The following FMNL2 variants were observed in gnomAD, a reference collection of about 807,000 sequenced individuals.
The protein encoded by FMNL2 is formin-like protein 2.
Under a neutral mutation model 130.2 loss-of-function variants are expected in FMNL2, and 51 were observed. The observed-to-expected ratio is 0.39, with a 90% CI of 0.31 to 0.49. The LOEUF is 0.49. FMNL2 is among the 20% of genes least tolerant of loss of function. The probability of loss-of-function intolerance (pLI) is 0.85; values close to 1 mark genes in which losing one functional copy is unlikely to be tolerated. For missense variants in FMNL2, 977 were observed against 1,316.2 expected, an observed-to-expected ratio of 0.74 and a Z score of 3.99; for synonymous variants, 465 against 467.1, an observed-to-expected ratio of 1.00 and a Z score of 0.06.
chr2:152,581,559 A>T (rs543257475), intron 9 of FMNL2, among the ~76,000 whole-genome samples: 6 of 152,238 alleles, frequency 3.9e-5, no homozygotes, highest in Non-Finnish European at 8.8e-5. Flanking sequence ...GTCTGACCAC[A>T]AAGAAAGGAG....
chr2:152,582,396 T>A (rs1168982721), intron 9 of FMNL2, among the ~76,000 whole-genome samples: 2 of 152,220 alleles, frequency 1.3e-5, no homozygotes, highest in Admixed American at 1.3e-4. Context: ...CTCCTCTTGC[T>A]CCTTTATTTG....
intron 5 of FMNL2, among the ~76,000 whole-genome samples, chr2:152,560,310 A>G (rs920736822): frequency 2.6e-5 from 3 of 114,842 alleles, no homozygotes; most frequent in Admixed American, 8.7e-5. Flanking sequence ...CATGGTTAAC[A>G]TGAGTAATAA....
At chr2:152,568,229 T>TTTTGTTTTGTTTTTGTTTTTC (rs1200602522) in intron 6 of FMNL2, among the ~76,000 whole-genome samples, 1 of 146,916 alleles carries the variant, frequency 6.8e-6, no homozygotes, top group Non-Finnish European at 1.5e-5. Context: ...TTTTTTTTTT[T>TTTTGTTTTGTTTTTGTTTTTC]TTTTGAGACG....
intron 1 of FMNL2, among the ~76,000 whole-genome samples, chr2:152,401,261 T>C (rs1485887260): frequency 2.6e-5 from 4 of 152,258 alleles, no homozygotes; most frequent in African/African-American, 9.6e-5. Flanking sequence ...TCAATGCCTT[T>C]AGGAGAAGCT....
intron 9 of FMNL2, among the ~76,000 whole-genome samples, chr2:152,592,089 G>A (rs943555761): frequency 3.3e-5 from 5 of 152,136 alleles, no homozygotes; most frequent in African/African-American, 7.2e-5. Flanking sequence ...GTGGCAGAGC[G>A]AGACTTCGTC....
At chr2:152,385,236 T>A (rs1167158601) in intron 1 of FMNL2, among the ~76,000 whole-genome samples, 1 of 152,158 alleles carries the variant, frequency 6.6e-6, no homozygotes, top group African/African-American at 2.4e-5. Flanking sequence ...GCATCGAAAC[T>A]GGGGATGAAG....
At chr2:152,645,863 C>T (rs145637323) in intron 25 of FMNL2, among the ~76,000 whole-genome samples, 159 of 152,290 alleles carry the variant, frequency 1.0e-3, no homozygotes, top group South Asian at 1.2e-3. Context: ...GGTAACATTA[C>T]AGCCTTTGAA....
intron 9 of FMNL2, among the ~76,000 whole-genome samples, chr2:152,601,303 C>T (rs112959504): frequency 5.9e-5 from 8 of 134,736 alleles, no homozygotes; most frequent in South Asian, 2.3e-4. Flanking sequence ...TTTCTTTTTT[C>T]TTTTTTTTTT....
intron 25 of FMNL2, among the ~76,000 whole-genome samples, chr2:152,644,843 G>C (rs879852560): frequency 6.6e-6 from 1 of 152,078 alleles, no homozygotes; most frequent in South Asian, 2.1e-4. Flanking sequence ...GGGGAAAAAA[G>C]GGTCAAACTT....
In FMNL2 at chr2:152,619,549, G is replaced by GCCCC; in HGVS notation, c.1670_1671insCCCC (p.Pro559AlafsTer23). 1 of 1,395,010 alleles carries GCCCC rather than the reference G, an allele frequency of 7.2e-7. No individual in the cohort carries two copies. The highest frequency in any genetic ancestry group is 9.3e-7 in the Non-Finnish European group (1 of 1,075,854). 86.4% of individuals were successfully genotyped at this position (1,395,010 alleles called of 1,614,324 possible). Reference sequence around the variant, plus strand: ...TAACACCACCTATGCCACCGCCGCCGCCGCCCCCTCCTCCACCTCCTCCTC... The same window carrying GCCCC: ...TAACACCACCTATGCCACCGCCGCCGCCCCCCGCCCCCTCCTCCACCTCCTCCTC... On this transcript the variant is annotated frameshift_variant, in exon 15 of 26. Transcript: ENST00000288670. LOFTEE classifies it high-confidence loss of function.
chr2:152,361,266 C>A (rs965287587), intron 1 of FMNL2, among the ~76,000 whole-genome samples: 1 of 152,066 alleles, frequency 6.6e-6, no homozygotes, highest in Non-Finnish European at 1.5e-5. Flanking sequence ...TTACAAACTT[C>A]TGTTTGAAAT....
At chr2:152,642,112 T>C (rs1196948053) in intron 25 of FMNL2, among the ~76,000 whole-genome samples, 1 of 152,106 alleles carries the variant, frequency 6.6e-6, no homozygotes, top group Non-Finnish European at 1.5e-5. Context: ...GGATAATTTT[T>C]TGTATTTGTA....
At chr2:152,622,165 A>G (rs956191621) in intron 15 of FMNL2, among the ~76,000 whole-genome samples, 1 of 152,148 alleles carries the variant, frequency 6.6e-6, no homozygotes, top group Non-Finnish European at 1.5e-5. Context: ...AGCAGGTGGA[A>G]CCTTTGCCGT....
intron 1 of FMNL2, among the ~76,000 whole-genome samples, chr2:152,479,345 A>G (rs749776526): frequency 2.6e-5 from 4 of 152,002 alleles, no homozygotes; most frequent in African/African-American, 4.8e-5. Context: ...AGGTATCACC[A>G]TGTTGCCTAG....
chr2:152,640,251 G>T lies in FMNL2; in HGVS notation c.3045+195G>T, dbSNP rs946969790. 1.1e-4 allele frequency among the ~76,000 whole-genome samples: 17 copies of T among 152,154 alleles called. 1 individual carries two copies. Among genetic ancestry groups the T allele is most frequent in the Non-Finnish European group, 4.4e-5 (3 of 68,032 alleles). On this transcript the variant is annotated intron_variant, in intron 24 of 25. Coordinates refer to ENST00000288670, the MANE Select transcript of FMNL2 (RefSeq NM_052905.4). ...TGCAACCACTGGAATGAGGCTAAGAGCATGTTTGTGTAGCATATCCAAGCG... is the reference window on the plus strand; with the variant it reads ...TGCAACCACTGGAATGAGGCTAAGATCATGTTTGTGTAGCATATCCAAGCG...
intron 11 of FMNL2, among the ~76,000 whole-genome samples, chr2:152,614,095 C>G (rs1464642730): frequency 1.3e-5 from 2 of 152,188 alleles, no homozygotes; most frequent in African/African-American, 4.8e-5. Flanking sequence ...CCCCACCTCT[C>G]GCCTAACCTT....
At chr2:152,366,995 T>A (rs1456013867) in intron 1 of FMNL2, among the ~76,000 whole-genome samples, 1 of 151,946 alleles carries the variant, frequency 6.6e-6, no homozygotes, top group Non-Finnish European at 1.5e-5. Context: ...AATAAATAAA[T>A]TAAATTAAAT....
At chr2:152,593,902 TGA>T (rs143746034) in intron 9 of FMNL2, among the ~76,000 whole-genome samples, 4,172 of 81,040 alleles carry the variant, frequency 0.051, 65 homozygotes, top group Non-Finnish European at 0.057. Flanking sequence ...TGTGTGTGTG[TGA>T]GAGAGAGAGA....
intron 1 of FMNL2, among the ~76,000 whole-genome samples, chr2:152,401,459 A>G (rs16831065): frequency 0.13 from 19,069 of 152,174 alleles, 1,321 homozygotes; most frequent in Middle Eastern, 0.29. Context: ...GTTGAGTTGA[A>G]TTGAAATCCC....
Sources: allele counts gnomAD v4.1 joint callset (sites outside exome capture counted in the v4.1 genomes callset), GRCh38; gene constraint gnomAD v4.1.1; transcripts MANE v1.5; gene names NCBI Gene and HGNC (gene_info 2026-07-23, HGNC 2026-07-21).